Variants in GSN observed in about 807,000 individuals in gnomAD.
The protein encoded by GSN is gelsolin.
In GSN, 56 loss-of-function variants were observed where a neutral mutation model predicts 85.7. The ratio of observed to expected loss-of-function variants is 0.65; its 90% CI spans 0.53 to 0.82. The LOEUF is 0.82. Among genes scored for constraint, GSN ranks in the 40% least tolerant of loss-of-function variants. The probability of loss-of-function intolerance (pLI) is 0.00; values close to 1 mark genes in which losing one functional copy is unlikely to be tolerated. For missense variants in GSN, 857 were observed against 979.8 expected (o/e 0.87, Z 1.67); for synonymous variants, 373 against 399.1 (o/e 0.93, Z 0.78).
At chr9:121,269,270 C>T (rs1157867377) in intron 1 of GSN, among the ~76,000 whole-genome samples, 1 of 152,182 alleles carries the variant, frequency 6.6e-6, no homozygotes, top group Non-Finnish European at 1.5e-5. Flanking sequence ...GGACCTCTCA[C>T]CGCTCTGCCG....
Position 121,299,807 on chromosome 9 carries a change from G to T in GSN, c.-9-2156G>T, listed in dbSNP as rs2059597813. 7.8e-7 allele frequency: 1 copy of T among 1,287,492 alleles called. No individual in the cohort carries two copies. Among genetic ancestry groups the T allele is most frequent in the Non-Finnish European group, 9.9e-7 (1 of 1,010,764 alleles). The allele number at this position is 1,287,492 out of a possible 1,614,324, so 79.8% of individuals were successfully genotyped here. On this transcript the variant is annotated intron_variant, in intron 2 of 17. Transcript: ENST00000432226. The surrounding 1 kb of genome is among the most constrained non-coding windows in gnomAD (Gnocchi z 4.2). ...GCGGGATGGGCGGGCGGCTACTTAA[G>T]GTCGGCGACCCGAGGCCGCGGCTGC... is the stretch of plus-strand genomic sequence containing the variant.
the GSN span, among the ~76,000 whole-genome samples, chr9:121,202,121 T>C: frequency 6.6e-6 from 1 of 152,100 alleles, no homozygotes; most frequent in Non-Finnish European, 1.5e-5. Context: ...TGTCCTCGCC[T>C]CTTGGGGGAG....
intron 2 of GSN, among the ~76,000 whole-genome samples, chr9:121,293,784 G>A (rs1219962177): frequency 1.3e-5 from 2 of 151,482 alleles, no homozygotes; most frequent in Non-Finnish European, 2.9e-5. Context: ...ACTTATCCAA[G>A]TCTCTCTTTT....
upstream of GSN, among the ~76,000 whole-genome samples, chr9:121,267,249 C>T (rs1323349376): frequency 6.6e-6 from 1 of 152,194 alleles, no homozygotes; most frequent in East Asian, 1.9e-4. Flanking sequence ...AAACGGCTAT[C>T]GTCTCAAATG....
At chr9:121,208,899 A>G (rs1464662184) in intron 1 of GSN, among the ~76,000 whole-genome samples, 1 of 152,264 alleles carries the variant, frequency 6.6e-6, no homozygotes, top group East Asian at 1.9e-4. Context: ...CCCTGAGGCC[A>G]CCAAGGTGAG....
chr9:121,238,773 T>A, intron 5 of GSN: 7 of 501,264 alleles, frequency 1.4e-5, no homozygotes, highest in South Asian at 1.1e-4. Context: ...AAAAATAAAG[T>A]TCCTCTCAAA....
intron 1 of GSN, among the ~76,000 whole-genome samples, chr9:121,274,014 C>A (rs2056347543): frequency 6.6e-6 from 1 of 152,170 alleles, no homozygotes; most frequent in African/African-American, 2.4e-5. Context: ...CAAATGCTAG[C>A]TGTATTTCTC....
At chr9:121,324,834 A>G (rs2062962135) in intron 12 of GSN, among the ~76,000 whole-genome samples, 190 bp downstream of exon 12, 1 of 152,064 alleles carries the variant, frequency 6.6e-6, no homozygotes, top group Non-Finnish European at 1.5e-5. Flanking sequence ...TGTGTTCCAC[A>G]CTGCATCTGT....
intron 2 of GSN, among the ~76,000 whole-genome samples, chr9:121,293,533 G>A (rs1373210265): frequency 6.6e-6 from 1 of 151,930 alleles, no homozygotes; most frequent in African/African-American, 2.4e-5. Context: ...CAGATCACTT[G>A]AGGTTAGGAG....
intron 1 of GSN, among the ~76,000 whole-genome samples, chr9:121,271,850 G>C (rs1441839968): frequency 6.6e-6 from 1 of 152,214 alleles, no homozygotes; most frequent in Non-Finnish European, 1.5e-5. Flanking sequence ...TGCCCAGCAA[G>C]GTCATGTGGT....
intron 2 of GSN, among the ~76,000 whole-genome samples, chr9:121,286,969 T>G (rs1171131420): frequency 6.6e-6 from 1 of 152,182 alleles, no homozygotes; most frequent in Admixed American, 6.5e-5. Flanking sequence ...ACAATGGGCT[T>G]CTATGAGCAT....
rs751869009 is a variant in GSN at position 121,328,982 on chromosome 9, C to G, written c.1854C>G (p.Leu618=). The G allele has an allele frequency of 9.9e-6, 16 of 1,614,044 alleles. No individual in the cohort carries two copies. In the South Asian group the frequency reaches 1.3e-4, roughly 13 times the overall value. ...DKKMDAHPPR[L]FACSNKIGRF... is the part of the protein sequence containing the mutation. ...AGATGGATGCCCATCCTCCTCGCCT[C>G]TTTGCCTGCTCCAACAAGATTGGAC... Residue 618 remains leucine, a synonymous_variant, in exon 15 of 18, where the codon CTC becomes CTG. Transcript: ENST00000432226.
At chr9:121,286,786 G>T in intron 2 of GSN, 1 of 1,526,252 alleles carries the variant, frequency 6.6e-7, no homozygotes. Flanking sequence ...AAGGTGTGTA[G>T]AAGTGAGAGT....
upstream of GSN, among the ~76,000 whole-genome samples, chr9:121,206,397 A>G (rs1564328858): frequency 6.6e-6 from 1 of 152,204 alleles, no homozygotes; most frequent in Non-Finnish European, 1.5e-5. Flanking sequence ...CTGGGTATGA[A>G]AAAGGATTAG....
At chr9:121,322,857 G>T (rs565932207) in intron 11 of GSN, among the ~76,000 whole-genome samples, 1 of 150,638 alleles carries the variant, frequency 6.6e-6, no homozygotes, top group East Asian at 1.9e-4. Context: ...TTGAGACAGG[G>T]TCTTGCTCTG....
intron 4 of GSN, among the ~76,000 whole-genome samples, chr9:121,225,518 A>G (rs765700849): frequency 6.6e-6 from 1 of 152,210 alleles, no homozygotes; most frequent in Non-Finnish European, 1.5e-5. Flanking sequence ...CTGCAGCCAA[A>G]ATCTGTCTGG....
intron 4 of GSN, among the ~76,000 whole-genome samples, chr9:121,227,991 A>G (rs368505665): frequency 6.7e-4 from 102 of 152,150 alleles, no homozygotes; most frequent in African/African-American, 2.2e-3. Flanking sequence ...TAGTTAGTGC[A>G]CCCAGAATTT....
rs142516746 is a variant in GSN at position 121,290,622 on chromosome 9, G to T, written c.-10+9060G>T. Among the ~76,000 whole-genome samples the T allele has an allele frequency of 1.2e-3, 188 of 152,226 alleles. 3 individuals are homozygous for T. In the East Asian group the frequency reaches 0.03, roughly 24 times the overall value. Reference sequence around the variant, plus strand: ...ATGAATACATTTAGATAGTAAAAAGGTTACTATAGTGCAGCAAATGAACAT... The same window carrying T: ...ATGAATACATTTAGATAGTAAAAAGTTTACTATAGTGCAGCAAATGAACAT... On this transcript the variant is annotated intron_variant, in intron 2 of 17. Coordinates refer to ENST00000432226, the MANE Select transcript of GSN (RefSeq NM_198252.3).
intron 1 of GSN, among the ~76,000 whole-genome samples, chr9:121,275,574 C>T (rs2056566953): frequency 6.6e-6 from 1 of 152,128 alleles, no homozygotes; most frequent in Admixed American, 6.5e-5. Context: ...GGAGGTAAAA[C>T]AGGCTTTTGT....
Sources: allele counts gnomAD v4.1 joint callset (sites outside exome capture counted in the v4.1 genomes callset), GRCh38; gene constraint gnomAD v4.1.1; non-coding constraint Gnocchi (gnomAD v3.1); transcripts MANE v1.5; gene names NCBI Gene and HGNC (gene_info 2026-07-23, HGNC 2026-07-21).